The following ATP5MF variants were observed in gnomAD, a reference collection of about 807,000 sequenced individuals.
ATP5MF encodes ATP synthase F(0) complex subunit f, mitochondrial.
Under a neutral mutation model 13.8 loss-of-function variants are expected in ATP5MF, and 10 were observed. That is an observed-to-expected ratio of 0.72 (90% CI 0.45 to 1.23). The LOEUF is 1.23. Ranked by LOEUF, ATP5MF falls within the 50% of genes most tolerant of loss-of-function variation. The probability of loss-of-function intolerance (pLI) is 0.00; values close to 1 mark genes in which losing one functional copy is unlikely to be tolerated. For synonymous variants in ATP5MF, 40 were observed against 45.8 expected (o/e 0.87, Z 0.51); for missense variants, 122 against 118.2 (o/e 1.03, Z -0.15).
chr7:99,465,343 G>T (rs1310678215), intron 1 of ATP5MF, among the ~76,000 whole-genome samples: 1 of 152,118 alleles, frequency 6.6e-6, no homozygotes, highest in Non-Finnish European at 1.5e-5. Flanking sequence ...CAGGCTGTGT[G>T]ACCTCAGAGA....
chr7:99,460,662 C>A, intron 1 of ATP5MF: 1 of 391,100 alleles, frequency 2.6e-6, no homozygotes, highest in Non-Finnish European at 5.1e-6. Context: ...ACTGGCCCTC[C>A]TATGTCCCTG....
chr7:99,465,957 G>A (rs1798853666), intron 1 of ATP5MF, among the ~76,000 whole-genome samples, 154 bp downstream of exon 1: 1 of 152,208 alleles, frequency 6.6e-6, no homozygotes, highest in African/African-American at 2.4e-5. Flanking sequence ...GGCGCGCCTG[G>A]GCAGGCGGAG....
intron 1 of ATP5MF, among the ~76,000 whole-genome samples, chr7:99,463,754 C>T (rs1033963574): frequency 5.9e-5 from 9 of 151,302 alleles, no homozygotes; most frequent in Non-Finnish European, 8.8e-5. Flanking sequence ...GCAGCCTGGG[C>T]GACAAAAGCA....
At chr7:99,460,487 G>A in intron 1 of ATP5MF, 1 of 634,792 alleles carries the variant, frequency 1.6e-6, no homozygotes, top group Non-Finnish European at 3.0e-6. Context: ...CAGTAACGTG[G>A]CGGACAGGAA....
At chr7:99,460,570 T>C in intron 1 of ATP5MF, 1 of 512,282 alleles carries the variant, frequency 2.0e-6, no homozygotes, top group South Asian at 1.4e-5. Flanking sequence ...CTTCATGTCT[T>C]TACCTTAAAG....
At chr7:99,461,960 A>G (rs1343101714) in intron 1 of ATP5MF, among the ~76,000 whole-genome samples, 2 of 151,024 alleles carry the variant, frequency 1.3e-5, no homozygotes, top group African/African-American at 4.9e-5. Context: ...ACCAGGCCAG[A>G]AAACTCACTT....
chr7:99,458,881 T>C (rs1584526933), intron 3 of ATP5MF: 1 of 433,370 alleles, frequency 2.3e-6, no homozygotes, highest in East Asian at 4.4e-5. Flanking sequence ...CAGTGTGCTG[T>C]ATTTTAAAGA....
intron 1 of ATP5MF, among the ~76,000 whole-genome samples, chr7:99,462,406 T>G (rs1798656952): frequency 6.7e-6 from 1 of 149,108 alleles, no homozygotes; most frequent in Non-Finnish European, 1.5e-5. Context: ...AGGCGGAGCT[T>G]GCAGTGAGCT....
chr7:99,462,374 A>T (rs1798654185), intron 1 of ATP5MF, among the ~76,000 whole-genome samples: 1 of 150,462 alleles, frequency 6.6e-6, no homozygotes, highest in African/African-American at 2.5e-5. Flanking sequence ...AGGCTGAGGC[A>T]GGAGAATGGC....
At chr7:99,459,627 A>G in intron 2 of ATP5MF, 1 of 258,080 alleles carries the variant, frequency 3.9e-6, no homozygotes, top group Non-Finnish European at 7.5e-6. Flanking sequence ...CATATTGCCT[A>G]GGCTGGTCTA....
Position 99,458,245 on chromosome 7 carries a change from T to A in ATP5MF, c.*82A>T. ...TAATTCCTATTAGGATATGAAAGGA[T>A]TCAGCAACGATTGAGATTGTGTTCC... On this transcript the variant is annotated 3_prime_UTR_variant, in exon 4 of 4. Transcript: ENST00000292475. 7.1e-7 allele frequency: 1 copy of A among 1,408,340 alleles called. No individual in the cohort carries two copies. Among genetic ancestry groups the A allele is most frequent in the Non-Finnish European group, 9.8e-7 (1 of 1,015,504 alleles). 87.2% of individuals were successfully genotyped at this position (1,408,340 alleles called of 1,614,324 possible). A position where few individuals can be genotyped will look rare whatever the true frequency, so the allele number is the denominator to read the frequency against.
At chr7:99,458,622 G>A (rs765242095) in intron 3 of ATP5MF, among the ~76,000 whole-genome samples, 2 of 152,094 alleles carry the variant, frequency 1.3e-5, no homozygotes, top group African/African-American at 2.4e-5. Flanking sequence ...CAGAGAACCC[G>A]TCCTTCAGAG....
At chr7:99,459,105 C>T (rs755128820) in intron 3 of ATP5MF, 42 bp downstream of exon 3, 3 of 1,473,250 alleles carry the variant, frequency 2.0e-6, no homozygotes, top group Non-Finnish European at 2.8e-6. Flanking sequence ...CACCACCACC[C>T]TCTCATGGGA....
chr7:99,459,321 GCA>G (rs1486994937), intron 2 of ATP5MF, 58 bp from the exon 3 acceptor site: 3 of 1,294,592 alleles, frequency 2.3e-6, no homozygotes, highest in African/African-American at 1.5e-5. Context: ...GTGAAGTTGA[GCA>G]CACAGTTGAG....
At position 99,458,354 on chromosome 7, in the gene ATP5MF, C is replaced by G; in HGVS notation, c.258G>C (p.Lys86Asn). Residue 86 changes from lysine to asparagine, a missense_variant and splice_region_variant, in exon 4 of 4, where the codon AAG becomes AAC. Coordinates refer to ENST00000292475, the MANE Select transcript of ATP5MF (RefSeq NM_004889.5). Reference protein sequence around the residue: ...FSYSFSYKHLKHERLRKYH With the variant: ...FSYSFSYKHLNHERLRKYH ...AGTGGTATTTGCGGAGCCGCTCGTG[C>G]TCTGAAGTCAGGAAGGCAAGATGGT... 1.2e-6 allele frequency: 2 copies of G among 1,607,738 alleles called. No individual in the cohort carries two copies. The highest frequency in any genetic ancestry group is 1.7e-6 in the Non-Finnish European group (2 of 1,177,892).
At chr7:99,459,962 T>C in intron 2 of ATP5MF, 124 bp downstream of exon 2, 1 of 1,108,300 alleles carries the variant, frequency 9.0e-7, no homozygotes, top group Non-Finnish European at 1.3e-6. Context: ...CTCCCTGTCA[T>C]CCTCTACATA....
intron 1 of ATP5MF, among the ~76,000 whole-genome samples, chr7:99,464,348 T>C (rs1310377289): frequency 6.6e-6 from 1 of 152,188 alleles, no homozygotes; most frequent in Non-Finnish European, 1.5e-5. Flanking sequence ...CCTCTTCATT[T>C]CTCTAGGCTG....
rs186374003 is a variant in ATP5MF at position 99,466,115 on chromosome 7, G to T, written c.27C>A (p.Ala9=). 248 of 1,614,166 alleles carry T rather than the reference G, an allele frequency of 1.5e-4. 1 individual carries two copies. In the East Asian group the frequency reaches 4.8e-3, roughly 31 times the overall value. MASVGECP[A]PVPVKDKKLL... is the part of the protein sequence containing the mutation. ...ACGGAGTCCAAACAGCCTTACCTGGGGCCGGACACTCACCAACTGACGCCA... is the reference window on the plus strand; with the variant it reads ...ACGGAGTCCAAACAGCCTTACCTGGTGCCGGACACTCACCAACTGACGCCA... Residue 9 remains alanine, a synonymous_variant, in exon 1 of 4, where the codon GCC becomes GCA. Transcript: ENST00000292475.
At chr7:99,462,505 G>A (rs533178350) in intron 1 of ATP5MF, among the ~76,000 whole-genome samples, 100 of 152,070 alleles carry the variant, frequency 6.6e-4, no homozygotes, top group Admixed American at 9.8e-4. Context: ...GGCAGGGCAC[G>A]GTGGCTCACG....
Sources: gnomAD v4.1 joint callset for allele counts (sites outside exome capture counted in the v4.1 genomes callset) on GRCh38, gnomAD v4.1.1 for gene constraint, MANE v1.5 for transcripts, NCBI Gene and HGNC (gene_info 2026-07-23, HGNC 2026-07-21) for gene names.